The following GALNT13 variants were observed in gnomAD, a reference collection of about 807,000 sequenced individuals.
GALNT13 encodes the protein polypeptide N-acetylgalactosaminyltransferase 13.
Under a neutral mutation model 64.2 loss-of-function variants are expected in GALNT13, and 28 were observed. The ratio of observed to expected loss-of-function variants is 0.44; its 90% confidence interval spans 0.32 to 0.60. The LOEUF is 0.60. GALNT13 is among the 20% of genes least tolerant of loss of function. The pLI, the probability that GALNT13 is intolerant of heterozygous loss-of-function variation, is 0.05. For missense variants in GALNT13, 577 were observed against 669.8 expected (o/e 0.86, Z 1.53); for synonymous variants, 214 against 224.6 (o/e 0.95, Z 0.42).
At position 153,925,498 on chromosome 2, in the gene GALNT13, C is replaced by CTT. The variant is rs35443709; in HGVS notation, c.-104-18881_-104-18880dup. On this transcript the variant is annotated intron_variant, in intron 2 of 12. Transcript: ENST00000392825. ...GCATCAGGTAGCATGAAGCCTCGAG[C>CTT]TTTTTTTTTTTTTTTTGCTTAGGAT... 1.5e-3 allele frequency among the ~76,000 whole-genome samples: 176 copies of CTT among 117,614 alleles called. 3 individuals are homozygous for CTT. The highest frequency in any genetic ancestry group is 5.8e-3 in the Middle Eastern group (1 of 172). 77.2% of individuals were successfully genotyped at this position (117,614 alleles called of 152,430 possible).
At chr2:153,532,860 C>T in the GALNT13 span, among the ~76,000 whole-genome samples, 1 of 152,178 alleles carries the variant, frequency 6.6e-6, no homozygotes, top group Non-Finnish European at 1.5e-5. Context: ...GTTACCTTTG[C>T]TCCAGTTCCC....
At chr2:153,561,385 T>G in the GALNT13 span, among the ~76,000 whole-genome samples, 9 of 152,114 alleles carry the variant, frequency 5.9e-5, no homozygotes, top group Admixed American at 3.3e-4. Flanking sequence ...ATCTTGGGAA[T>G]GGGACCTGAA....
chr2:153,258,928 A>G, the GALNT13 span, among the ~76,000 whole-genome samples: 8 of 152,228 alleles, frequency 5.3e-5, no homozygotes, highest in Non-Finnish European at 1.0e-4. Context: ...TTCTATAGCC[A>G]TTAGATGAAA....
intron 4 of GALNT13, among the ~76,000 whole-genome samples, chr2:154,215,588 T>C (rs974642742): frequency 6.6e-6 from 1 of 152,184 alleles, no homozygotes; most frequent in Non-Finnish European, 1.5e-5. Flanking sequence ...TTTGCTCTCC[T>C]TTACTCATCA....
intron 3 of GALNT13, among the ~76,000 whole-genome samples, chr2:154,084,421 G>A (rs777406067): frequency 6.6e-6 from 1 of 151,806 alleles, no homozygotes; most frequent in Non-Finnish European, 1.5e-5. Context: ...ATTGTGAGCT[G>A]TGAAACAATA....
At chr2:153,089,152 T>C in the GALNT13 span, among the ~76,000 whole-genome samples, 8 of 152,230 alleles carry the variant, frequency 5.3e-5, no homozygotes, top group African/African-American at 1.9e-4. Flanking sequence ...TGAACATTTC[T>C]TGTGGTGCTG....
At chr2:153,529,661 A>G in the GALNT13 span, among the ~76,000 whole-genome samples, 1 of 152,040 alleles carries the variant, frequency 6.6e-6, no homozygotes, top group South Asian at 2.1e-4. Context: ...CCTCAACAAA[A>G]TACTAGCAAA....
chr2:153,634,542 CTTTTTTTTTT>C, the GALNT13 span, among the ~76,000 whole-genome samples: 3 of 91,240 alleles, frequency 3.3e-5, no homozygotes, highest in East Asian at 3.4e-4. Context: ...AGATGGAAAT[CTTTTTTTTTT>C]TTTTTTTTTT....
At position 154,325,770 on chromosome 2, in the gene GALNT13, A is replaced by G. The variant is rs1037601569; in HGVS notation, c.1156+24181A>G. Among the ~76,000 whole-genome samples, 4 of 152,100 alleles carry G rather than the reference A, an allele frequency of 2.6e-5. No homozygotes were observed. In the South Asian group the frequency reaches 6.2e-4, roughly 24 times the overall value. ...AAACTAGATACTTTTATTTAATTAT[A>G]TATAATCAAGCATGTATTTCATTTT... On this transcript the variant is annotated intron_variant, in intron 9 of 12. Coordinates refer to ENST00000392825, the MANE Select transcript of GALNT13 (RefSeq NM_052917.4).
intron 8 of GALNT13, among the ~76,000 whole-genome samples, chr2:154,269,479 T>G (rs1691202297): frequency 6.6e-6 from 1 of 151,838 alleles, no homozygotes; most frequent in Admixed American, 6.6e-5. Context: ...AATAGAAATA[T>G]GGAGATGGTT....
the GALNT13 span, among the ~76,000 whole-genome samples, chr2:153,611,826 A>C: frequency 8.0e-5 from 12 of 150,886 alleles, no homozygotes; most frequent in African/African-American, 2.7e-4. Context: ...TGCACGTATT[A>C]GGTATTTGTC....
chr2:153,580,779 T>G, the GALNT13 span, among the ~76,000 whole-genome samples: 1 of 152,200 alleles, frequency 6.6e-6, no homozygotes. Flanking sequence ...CTTAATGTAA[T>G]GTCTAAAGTG....
At chr2:154,004,171 A>G (rs995218270) in intron 3 of GALNT13, among the ~76,000 whole-genome samples, 1 of 151,908 alleles carries the variant, frequency 6.6e-6, no homozygotes, top group Non-Finnish European at 1.5e-5. Flanking sequence ...TTACTTTGCT[A>G]TAGAATATCC....
At chr2:154,201,788 C>G (rs1245775328) in intron 4 of GALNT13, among the ~76,000 whole-genome samples, 1 of 152,062 alleles carries the variant, frequency 6.6e-6, no homozygotes, top group Non-Finnish European at 1.5e-5. Flanking sequence ...ACAGAACAGG[C>G]ATCTAATTGA....
At chr2:153,841,408 G>A in the GALNT13 span, among the ~76,000 whole-genome samples, 1 of 151,996 alleles carries the variant, frequency 6.6e-6, no homozygotes, top group East Asian at 1.9e-4. Context: ...AGTATGAATG[G>A]GTAGCTAATA....
the GALNT13 span, among the ~76,000 whole-genome samples, chr2:153,128,662 G>C: frequency 6.6e-6 from 1 of 152,180 alleles, no homozygotes; most frequent in Non-Finnish European, 1.5e-5. Flanking sequence ...GTGTGAGTGT[G>C]CATGCAGAAA....
chr2:153,507,455 A>G, the GALNT13 span, among the ~76,000 whole-genome samples: 1 of 151,802 alleles, frequency 6.6e-6, no homozygotes. Flanking sequence ...TAAGTTTTGT[A>G]TTTTTAGTAG....
At chr2:153,354,750 T>C in the GALNT13 span, among the ~76,000 whole-genome samples, 209 of 152,284 alleles carry the variant, frequency 1.4e-3, 1 homozygote, top group South Asian at 3.1e-3. Flanking sequence ...ACCCAGTTAA[T>C]CACTAAGAGG....
At chr2:153,737,405 A>T in the GALNT13 span, among the ~76,000 whole-genome samples, 1 of 148,440 alleles carries the variant, frequency 6.7e-6, no homozygotes, top group African/African-American at 2.5e-5. Flanking sequence ...AATGTTTTTT[A>T]TTTTGGTGGC....
Sources: allele counts gnomAD v4.1 joint callset (sites outside exome capture counted in the v4.1 genomes callset), GRCh38; gene constraint gnomAD v4.1.1; transcripts MANE v1.5; gene names NCBI Gene and HGNC (gene_info 2026-07-23, HGNC 2026-07-21).